The following CCDC146 variants were observed in gnomAD, a reference collection of about 807,000 sequenced individuals.
CCDC146 encodes coiled-coil domain containing 146.
In CCDC146, 92 loss-of-function variants were observed where a neutral mutation model predicts 119.3. That is an observed-to-expected ratio of 0.77 (90% CI 0.65 to 0.92). The LOEUF (loss-of-function observed/expected upper bound fraction) is 0.92. CCDC146 is among the 40% of genes least tolerant of loss of function. The pLI is 0.00. For synonymous variants in CCDC146, 372 were observed against 371.8 expected (o/e 1.00, Z -0.01); for missense variants, 1,000 against 1,103.0 (o/e 0.91, Z 1.32).
At position 77,293,248 on chromosome 7, in the gene CCDC146, T is replaced by C. The variant is rs1347201042; in HGVS notation, c.2664+48T>C. On this transcript the variant is annotated intron_variant, in intron 18 of 18. Coordinates refer to ENST00000285871, the MANE Select transcript of CCDC146 (RefSeq NM_020879.3). ...CATTTCTAAAGGGTGCCAGCAGGGG[T>C]TGCATTCAGGCAACCCACAGTTATC... The C allele has an allele frequency of 2.5e-6, 4 of 1,571,368 alleles. No homozygotes were observed. The East Asian group carries it at 8.9e-5, about 35-fold the overall frequency.
chr7:77,171,288 G>A (rs1421429239), intron 2 of CCDC146, among the ~76,000 whole-genome samples: 2 of 152,136 alleles, frequency 1.3e-5, no homozygotes, highest in Non-Finnish European at 2.9e-5. Context: ...TAGCCCACTT[G>A]TTTCTCATCC....
intron 4 of CCDC146, among the ~76,000 whole-genome samples, chr7:77,250,732 G>A (rs995730412): frequency 1.1e-4 from 17 of 151,516 alleles, no homozygotes; most frequent in Admixed American, 9.2e-4. Context: ...GGAATTTCTC[G>A]TGTTCCTTTC....
chr7:77,264,588 C>T (rs1005931946), intron 9 of CCDC146, among the ~76,000 whole-genome samples: 2 of 152,196 alleles, frequency 1.3e-5, no homozygotes, highest in Non-Finnish European at 2.9e-5. Flanking sequence ...TCTGTGTCCT[C>T]ATTTTGGTGT....
chr7:77,248,859 TTTCTC>T (rs1273905423), intron 4 of CCDC146, among the ~76,000 whole-genome samples: 1 of 152,234 alleles, frequency 6.6e-6, no homozygotes, highest in Non-Finnish European at 1.5e-5. Context: ...TTTTTTGTAT[TTTCTC>T]ATGAATAAGT....
At chr7:77,279,184 T>TAGG in intron 13 of CCDC146, 83 bp downstream of exon 13, 1 of 1,456,622 alleles carries the variant, frequency 6.9e-7, no homozygotes, top group Non-Finnish European at 9.3e-7. Context: ...GATAAGAAGA[T>TAGG]AGGAAAGAGG....
At chr7:77,246,311 T>C (rs3108412) in intron 4 of CCDC146, 114,913 of 152,236 alleles carry the variant, frequency 0.75, 46,942 homozygotes, top group Non-Finnish European at 0.9. Flanking sequence ...CTTTCACCCA[T>C]CCATGCTGTT....
intron 1 of CCDC146, among the ~76,000 whole-genome samples, chr7:77,130,703 A>G (rs1356014601): frequency 2.1e-5 from 3 of 142,808 alleles, no homozygotes; most frequent in South Asian, 2.2e-4. Flanking sequence ...GGTTCACGCC[A>G]TTCTCCTGCC....
Position 77,260,131 on chromosome 7 carries a change from T to C in CCDC146, c.881T>C (p.Val294Ala), listed in dbSNP as rs1793265087. 1 of 1,613,922 alleles carries C rather than the reference T, an allele frequency of 6.2e-7. No individual in the cohort carries two copies. Among genetic ancestry groups the C allele is most frequent in the African/African-American group, 1.3e-5 (1 of 74,886 alleles). Reference protein sequence around the residue: ...VDEKENVIKEVEGKRALLEIK... With the variant: ...VDEKENVIKEAEGKRALLEIK... ...GAGAAGGAAAATGTAATAAAGGAAG[T>C]TGAAGGCAAACGAGCCTTACTTGAA... Residue 294 changes from valine to alanine, a missense_variant, in exon 8 of 19, where the codon GTT (valine) becomes GCT (alanine). Physicochemically the swap from Val to Ala is moderately conservative, Grantham distance 64. Coordinates refer to ENST00000285871, the MANE Select transcript of CCDC146 (RefSeq NM_020879.3).
intron 2 of CCDC146, among the ~76,000 whole-genome samples, chr7:77,229,096 A>G (rs1792572734): frequency 6.6e-6 from 1 of 152,164 alleles, no homozygotes; most frequent in South Asian, 2.1e-4. Flanking sequence ...TTTTTTCCAT[A>G]AAATTGTTGG....
chr7:77,206,672 T>TATATATAC (rs1436760781), intron 2 of CCDC146, among the ~76,000 whole-genome samples: 2 of 130,768 alleles, frequency 1.5e-5, no homozygotes, highest in East Asian at 4.3e-4. Context: ...TATATATATA[T>TATATATAC]ACACACACAC....
rs372837454 is a variant in CCDC146, at chr7:77,288,070, G to A, written c.2415+493G>A. Among the ~76,000 whole-genome samples the A allele has an allele frequency of 3.9e-3, 589 of 152,252 alleles. 6 individuals carry two copies. Among genetic ancestry groups the A allele is most frequent in the African/African-American group, 7.2e-3 (300 of 41,554 alleles). Reference sequence around the variant, plus strand: ...GGCACCACTAGTGAGGAAAGGCCAGGAATACAGAACCCCCTAATTTAATAA... The same window carrying A: ...GGCACCACTAGTGAGGAAAGGCCAGAAATACAGAACCCCCTAATTTAATAA... On this transcript the variant is annotated intron_variant, in intron 17 of 18. Coordinates refer to ENST00000285871, the MANE Select transcript of CCDC146 (RefSeq NM_020879.3).
chr7:77,214,596 G>A (rs539149459), intron 2 of CCDC146, among the ~76,000 whole-genome samples: 11 of 151,816 alleles, frequency 7.2e-5, no homozygotes, highest in Admixed American at 3.9e-4. Context: ...TCCCTCTTGA[G>A]TTAATTTTTA....
chr7:77,158,991 G>A lies in CCDC146; in HGVS notation c.-11-8667G>A, dbSNP rs142722852. ...TGTCTTTCCTTTTTTAAAAAAACAC[G>A]TTATTGAGGTATGGTTGATGTATAA... On this transcript the variant is annotated intron_variant, in intron 1 of 18. Coordinates refer to ENST00000285871, the MANE Select transcript of CCDC146 (RefSeq NM_020879.3). Among the ~76,000 whole-genome samples, 657 of 151,712 alleles carry A rather than the reference G, an allele frequency of 4.3e-3. 7 individuals carry two copies. Among genetic ancestry groups the A allele is most frequent in the African/African-American group, 0.015 (610 of 41,326 alleles).
chr7:77,141,384 T>C (rs1790931293), intron 1 of CCDC146, among the ~76,000 whole-genome samples: 1 of 152,244 alleles, frequency 6.6e-6, no homozygotes, highest in African/African-American at 2.4e-5. Context: ...AATATACATG[T>C]GCCTGTGTCT....
intron 4 of CCDC146, among the ~76,000 whole-genome samples, chr7:77,251,570 A>G (rs150915432): frequency 2.2e-4 from 34 of 152,048 alleles, no homozygotes; most frequent in African/African-American, 8.0e-4. Context: ...GGGTAAAAGG[A>G]ATTGCTTTAA....
At chr7:77,198,180 G>T (rs1183976671) in intron 2 of CCDC146, 2 of 985,330 alleles carry the variant, frequency 2.0e-6, no homozygotes, top group East Asian at 2.3e-4. Flanking sequence ...AGGCTGCCAG[G>T]AGTATTACCA....
At chr7:77,129,687 C>A (rs1408236931) in intron 1 of CCDC146, among the ~76,000 whole-genome samples, 1 of 152,034 alleles carries the variant, frequency 6.6e-6, no homozygotes, top group Admixed American at 6.5e-5. Context: ...TTGTTCAAAT[C>A]TACCATTGAA....
chr7:77,207,739 A>T (rs1271180254), intron 2 of CCDC146, among the ~76,000 whole-genome samples: 2 of 152,182 alleles, frequency 1.3e-5, no homozygotes, highest in Non-Finnish European at 2.9e-5. Context: ...TAAGTTTCTT[A>T]TCTCTAATAT....
chr7:77,123,575 A>T (rs1347722774), intron 1 of CCDC146, among the ~76,000 whole-genome samples: 1 of 151,980 alleles, frequency 6.6e-6, no homozygotes, highest in Non-Finnish European at 1.5e-5. Context: ...ACTTCCTCCT[A>T]AAATGTATTC....
Sources: gnomAD v4.1 joint callset for allele counts (sites outside exome capture counted in the v4.1 genomes callset) on GRCh38, gnomAD v4.1.1 for gene constraint, MANE v1.5 for transcripts, NCBI Gene and HGNC (gene_info 2026-07-23, HGNC 2026-07-21) for gene names.